Variants in DBF4 observed in about 807,000 individuals in gnomAD.
DBF4 encodes the protein protein DBF4 homolog A.
Under a neutral mutation model 76.6 loss-of-function variants are expected in DBF4, and 25 were observed. The observed-to-expected ratio is 0.33, with a 90% CI of 0.24 to 0.46. The LOEUF (loss-of-function observed/expected upper bound fraction) is 0.46, where lower values mean the gene tolerates loss of function less well. Ranked by LOEUF, DBF4 falls within the 20% of genes least tolerant of loss-of-function variation. The probability of loss-of-function intolerance (pLI) is 1.00; values close to 1 mark genes in which losing one functional copy is unlikely to be tolerated. For synonymous variants in DBF4, 213 were observed against 258.0 expected (o/e 0.83, Z 1.67); for missense variants, 638 against 760.8 (o/e 0.84, Z 1.90).
In DBF4 at chr7:87,896,526, T is replaced by C. The variant is rs377382650; in HGVS notation, c.634+16T>C. On this transcript the variant is annotated intron_variant, in intron 7 of 11. Coordinates refer to ENST00000265728, the MANE Select transcript of DBF4 (RefSeq NM_006716.4). ...AAAACAAGAAGTAAGTATTTTGTGA[T>C]CTTTAAGTGTATTTGGTTTGCATTT... 2.4e-4 allele frequency: 387 copies of C among 1,608,468 alleles called. 1 individual carries two copies. Among genetic ancestry groups the C allele is most frequent in the Non-Finnish European group, 2.8e-4 (325 of 1,176,558 alleles).
At chr7:87,878,725 T>C (rs1839132532) in intron 2 of DBF4, among the ~76,000 whole-genome samples, 1 of 152,216 alleles carries the variant, frequency 6.6e-6, no homozygotes, top group Non-Finnish European at 1.5e-5. Flanking sequence ...CTTTCCTACC[T>C]TATACACTGA....
At chr7:87,905,302 G>A (rs531053380) in intron 11 of DBF4, among the ~76,000 whole-genome samples, 2 of 152,120 alleles carry the variant, frequency 1.3e-5, no homozygotes, top group Non-Finnish European at 2.9e-5. Context: ...ATAGACTGAC[G>A]GCTAGATTTT....
chr7:87,898,227 A>G (rs1394214768), intron 8 of DBF4, among the ~76,000 whole-genome samples: 1 of 152,226 alleles, frequency 6.6e-6, no homozygotes, highest in Non-Finnish European at 1.5e-5. Context: ...AGTGTATTGA[A>G]AACTGCTTTT....
chr7:87,903,176 G>A (rs917052354), intron 10 of DBF4, among the ~76,000 whole-genome samples: 18 of 152,158 alleles, frequency 1.2e-4, no homozygotes, highest in African/African-American at 4.1e-4. Flanking sequence ...TCCATCTCCC[G>A]AGTTCCAGAG....
intron 2 of DBF4, 59 bp downstream of exon 2, chr7:87,878,284 G>A (rs893432395): frequency 7.6e-7 from 1 of 1,312,046 alleles, no homozygotes; most frequent in Non-Finnish European, 1.0e-6. Context: ...ACTTTCTACT[G>A]TGTAATCATT....
chr7:87,899,524 C>T (rs905410437), intron 8 of DBF4, among the ~76,000 whole-genome samples: 3 of 152,172 alleles, frequency 2.0e-5, no homozygotes, highest in African/African-American at 4.8e-5. Context: ...CATTACTAAT[C>T]ATGAGGGAAT....
At chr7:87,886,671 A>G (rs1446608941) in intron 3 of DBF4, among the ~76,000 whole-genome samples, 173 bp from the exon 4 acceptor site, 2 of 152,060 alleles carry the variant, frequency 1.3e-5, no homozygotes, top group Non-Finnish European at 2.9e-5. Context: ...AGTGAAACCT[A>G]GCTATTTTAT....
Position 87,900,754 on chromosome 7 carries a change from C to T in DBF4, c.810-10C>T, listed in dbSNP as rs1839763547. 3 of 1,602,844 alleles carry T rather than the reference C, an allele frequency of 1.9e-6. No individual in the cohort carries two copies. Among genetic ancestry groups the T allele is most frequent in the Admixed American group, 1.7e-5 (1 of 59,264 alleles). On this transcript the variant is annotated splice_polypyrimidine_tract_variant and intron_variant, in intron 9 of 11. Coordinates refer to ENST00000265728, the MANE Select transcript of DBF4 (RefSeq NM_006716.4). ...GCAGTTAATTCTTTACCATGTATGT[C>T]TGTCATCAGAATCCAAACAGATGGC...
chr7:87,888,356 A>G, intron 6 of DBF4: 3 of 963,996 alleles, frequency 3.1e-6, no homozygotes, highest in Non-Finnish European at 3.7e-6. Flanking sequence ...CCTGTTGTAT[A>G]AACGTTCCTA....
chr7:87,880,233 T>A (rs1485452376), intron 2 of DBF4, among the ~76,000 whole-genome samples: 1 of 152,176 alleles, frequency 6.6e-6, no homozygotes, highest in Non-Finnish European at 1.5e-5. Flanking sequence ...CCACAGCAGT[T>A]CCTGAGGTAA....
intron 6 of DBF4, among the ~76,000 whole-genome samples, chr7:87,894,833 A>AT (rs369517561): frequency 2.6e-5 from 4 of 151,914 alleles, no homozygotes; most frequent in African/African-American, 4.8e-5. Flanking sequence ...TGCTTTTAAG[A>AT]TTTTTTTCTT....
In DBF4 at chr7:87,876,517, T is replaced by A; in HGVS notation, c.-216T>A. The A allele has an allele frequency of 1.8e-6, 1 of 555,038 alleles. No individual in the cohort carries two copies. The highest frequency in any genetic ancestry group is 3.2e-6 in the Non-Finnish European group (1 of 308,976). 34.4% of individuals were successfully genotyped at this position (555,038 alleles called of 1,614,324 possible). A position where few individuals can be genotyped will look rare whatever the true frequency, so the allele number is the denominator to read the frequency against. ...CAAATCTTCAACCGCCGCAGCCCACTCGTTTGTGCTTTGCGCCTTCCTCCT... is the reference window on the plus strand; with the variant it reads ...CAAATCTTCAACCGCCGCAGCCCACACGTTTGTGCTTTGCGCCTTCCTCCT... On this transcript the variant is annotated 5_prime_UTR_variant, in exon 1 of 12. Coordinates refer to ENST00000265728, the MANE Select transcript of DBF4 (RefSeq NM_006716.4).
At chr7:87,905,819 A>G (rs181766071) in intron 11 of DBF4, among the ~76,000 whole-genome samples, 13 of 152,286 alleles carry the variant, frequency 8.5e-5, no homozygotes, top group African/African-American at 3.1e-4. Context: ...TTCATGACTG[A>G]CTTAATATGG....
intron 3 of DBF4, among the ~76,000 whole-genome samples, chr7:87,885,410 T>C (rs1213773717): frequency 6.6e-6 from 1 of 152,198 alleles, no homozygotes; most frequent in South Asian, 2.1e-4. Context: ...GTTTTTAGAA[T>C]AATTTACAAC....
chr7:87,890,710 A>G (rs1186191193), intron 6 of DBF4, among the ~76,000 whole-genome samples: 1 of 152,192 alleles, frequency 6.6e-6, no homozygotes, highest in Non-Finnish European at 1.5e-5. Flanking sequence ...TTACTAGATT[A>G]TTAACATCAT....
At chr7:87,876,875 C>A (rs1839062886) in intron 1 of DBF4, 97 bp downstream of exon 1, 5 of 1,333,608 alleles carry the variant, frequency 3.7e-6, no homozygotes, top group Middle Eastern at 1.8e-4. Flanking sequence ...GGGTCCTCAG[C>A]TTCTTTTCTT....
intron 2 of DBF4, 197 bp downstream of exon 2, chr7:87,878,422 A>G (rs1030414877): frequency 3.2e-5 from 16 of 500,394 alleles, no homozygotes; most frequent in Non-Finnish European, 5.2e-5. Context: ...GGTTTCTCTG[A>G]TTAGCAGTCT....
At chr7:87,881,218 C>A (rs1839206664) in intron 2 of DBF4, among the ~76,000 whole-genome samples, 1 of 152,030 alleles carries the variant, frequency 6.6e-6, no homozygotes, top group African/African-American at 2.4e-5. Flanking sequence ...ACCAGCCTGG[C>A]CAACATGGTG....
intron 6 of DBF4, among the ~76,000 whole-genome samples, chr7:87,888,786 C>G (rs1251946659): frequency 6.6e-6 from 1 of 152,152 alleles, no homozygotes; most frequent in Admixed American, 6.6e-5. Context: ...ACTTTTTAAA[C>G]CCAGTCATAT....
Sources: allele counts gnomAD v4.1 joint callset (sites outside exome capture counted in the v4.1 genomes callset), GRCh38; gene constraint gnomAD v4.1.1; transcripts MANE v1.5; gene names NCBI Gene and HGNC (gene_info 2026-07-23, HGNC 2026-07-21).